Variants in MARCHF1 observed in about 807,000 individuals in gnomAD.
MARCHF1 encodes the protein E3 ubiquitin-protein ligase MARCHF1.
A neutral mutation model predicts 54.2 loss-of-function variants in MARCHF1; 40 were observed. The ratio of observed to expected loss-of-function variants is 0.74; its 90% CI spans 0.57 to 0.96. MARCHF1 has a LOEUF of 0.96. MARCHF1 is among the 40% of genes least tolerant of loss of function. MARCHF1 has a pLI of 0.00. For missense variants in MARCHF1, 586 were observed against 656.5 expected (o/e 0.89, Z 1.17); for synonymous variants, 236 against 236.3 (o/e 1.00, Z 0.01).
intron 1 of MARCHF1, among the ~76,000 whole-genome samples, chr4:164,154,195 T>C (rs1560930323): frequency 6.6e-6 from 1 of 151,502 alleles, no homozygotes; most frequent in Non-Finnish European, 1.5e-5. Flanking sequence ...GTAAAAAATA[T>C]CTTGCCATTT....
At chr4:164,048,573 G>A (rs1223600389) in intron 2 of MARCHF1, among the ~76,000 whole-genome samples, 5 of 152,008 alleles carry the variant, frequency 3.3e-5, no homozygotes, top group Non-Finnish European at 7.4e-5. Flanking sequence ...TTTGTAAATA[G>A]AAATACCACT....
intron 4 of MARCHF1, among the ~76,000 whole-genome samples, chr4:163,767,547 G>T (rs888135221): frequency 6.6e-6 from 1 of 151,986 alleles, no homozygotes; most frequent in Non-Finnish European, 1.5e-5. Flanking sequence ...TGTTAGCCAG[G>T]ATGGTCTCGA....
chr4:163,637,919 A>T (rs1277051204), intron 5 of MARCHF1, among the ~76,000 whole-genome samples: 170 of 151,598 alleles, frequency 1.1e-3, no homozygotes, highest in Admixed American at 3.3e-3. Context: ...AGCCATAAAA[A>T]TGATGAGTTC....
chr4:164,248,036 T>G (rs1733008532), intron 1 of MARCHF1, among the ~76,000 whole-genome samples: 1 of 151,772 alleles, frequency 6.6e-6, no homozygotes, highest in Non-Finnish European at 1.5e-5. Flanking sequence ...TGGGGAATAA[T>G]ATCACATTCT....
chr4:163,608,276 G>A (rs919539186), intron 7 of MARCHF1, among the ~76,000 whole-genome samples: 6 of 151,994 alleles, frequency 3.9e-5, no homozygotes, highest in African/African-American at 1.4e-4. Context: ...AGAAAGAATA[G>A]GAAGTCGTCT....
chr4:164,270,429 C>T (rs377085232), intron 1 of MARCHF1, among the ~76,000 whole-genome samples: 5 of 152,216 alleles, frequency 3.3e-5, no homozygotes, highest in East Asian at 1.9e-4. Context: ...ACATGTTCAC[C>T]TTTTTATCGT....
At chr4:163,648,021 G>C (rs1265562393) in intron 5 of MARCHF1, among the ~76,000 whole-genome samples, 1 of 151,670 alleles carries the variant, frequency 6.6e-6, no homozygotes, top group Non-Finnish European at 1.5e-5. Context: ...AAGAAAAAAA[G>C]AGAAGGTTCA....
chr4:163,605,283 C>T (rs1295888221), intron 7 of MARCHF1, among the ~76,000 whole-genome samples: 2 of 152,056 alleles, frequency 1.3e-5, no homozygotes, highest in South Asian at 2.1e-4. Flanking sequence ...GACATTTATG[C>T]AGCCAACAAA....
chr4:164,162,294 T>C (rs1379686559), intron 1 of MARCHF1, among the ~76,000 whole-genome samples: 1 of 152,126 alleles, frequency 6.6e-6, no homozygotes, highest in African/African-American at 2.4e-5. Context: ...AACTGGAAGA[T>C]ATTACATAGA....
At chr4:164,364,636 T>A (rs576072183) in intron 1 of MARCHF1, among the ~76,000 whole-genome samples, 1 of 152,096 alleles carries the variant, frequency 6.6e-6, no homozygotes, top group South Asian at 2.1e-4. Flanking sequence ...TAGAGTTAAA[T>A]TTTTCAATCT....
At chr4:163,864,877 T>C (rs934448706) in intron 3 of MARCHF1, among the ~76,000 whole-genome samples, 2 of 151,850 alleles carry the variant, frequency 1.3e-5, no homozygotes, top group Admixed American at 1.3e-4. Context: ...AGATAACAGA[T>C]AAAGTTAGAA....
At chr4:163,946,394 T>G (rs1752027202) in intron 3 of MARCHF1, among the ~76,000 whole-genome samples, 1 of 152,146 alleles carries the variant, frequency 6.6e-6, no homozygotes, top group Non-Finnish European at 1.5e-5. Context: ...CATACTATCA[T>G]CTCTCTATAG....
intron 3 of MARCHF1, among the ~76,000 whole-genome samples, chr4:163,956,010 A>G (rs574040991): frequency 1.2e-4 from 18 of 152,278 alleles, no homozygotes; most frequent in African/African-American, 4.1e-4. Context: ...GTGAGTTAAA[A>G]ATTGGTGGAA....
intron 3 of MARCHF1, among the ~76,000 whole-genome samples, chr4:163,906,079 T>C (rs956611625): frequency 1.3e-5 from 2 of 152,028 alleles, no homozygotes; most frequent in South Asian, 4.1e-4. Context: ...ACCCAATGGA[T>C]ACATGGAGAA....
chr4:164,174,200 G>A (rs56248921), intron 1 of MARCHF1, among the ~76,000 whole-genome samples: 29,151 of 151,996 alleles, frequency 0.19, 4,535 homozygotes, highest in African/African-American at 0.42. Context: ...TGAGAGGTGG[G>A]AAAAAACAAT....
Position 163,720,885 on chromosome 4 carries a change from T to C in MARCHF1, c.112-20022A>G, listed in dbSNP as rs191101413. Among the ~76,000 whole-genome samples the C allele has an allele frequency of 6.5e-3, 989 of 152,368 alleles. 8 individuals are homozygous for C. Among genetic ancestry groups the C allele is most frequent in the Non-Finnish European group, 9.8e-3 (664 of 68,024 alleles). ...ATTTTTGCACACTGATTTTGTATCC[T>C]GAGACTTTGCTGAAGTTGCTTATCA... On this transcript the variant is annotated intron_variant, in intron 4 of 9. Coordinates refer to ENST00000514618, the MANE Select transcript of MARCHF1 (RefSeq NM_001394959.1).
At position 163,782,905 on chromosome 4, in the gene MARCHF1, G is replaced by A. The variant is rs551599819; in HGVS notation, c.111+71116C>T. 2.6e-4 allele frequency among the ~76,000 whole-genome samples: 39 copies of A among 152,232 alleles called. No homozygotes were observed. In the South Asian group the frequency reaches 7.0e-3, roughly 28 times the overall value. On this transcript the variant is annotated intron_variant, in intron 4 of 9. Coordinates refer to ENST00000514618, the MANE Select transcript of MARCHF1 (RefSeq NM_001394959.1). ...ATTGGGGTCTTACTGGAAATGAGGT[G>A]CAGAGTAGATTATCAATGTAAAAAA...
At chr4:164,041,419 A>G (rs1754126752) in intron 2 of MARCHF1, among the ~76,000 whole-genome samples, 1 of 152,196 alleles carries the variant, frequency 6.6e-6, no homozygotes, top group Admixed American at 6.5e-5. Flanking sequence ...CTTTGTGGAT[A>G]AGATTCATGC....
At chr4:163,752,607 T>C (rs761885455) in intron 4 of MARCHF1, among the ~76,000 whole-genome samples, 2 of 152,216 alleles carry the variant, frequency 1.3e-5, no homozygotes, top group Admixed American at 6.5e-5. Flanking sequence ...GTTTGTAGAA[T>C]ATATAACCAA....
Sources: allele counts gnomAD v4.1 joint callset (sites outside exome capture counted in the v4.1 genomes callset), GRCh38; gene constraint gnomAD v4.1.1; transcripts MANE v1.5; gene names NCBI Gene and HGNC (gene_info 2026-07-23, HGNC 2026-07-21).